The following USH2A variants were observed in gnomAD, a reference collection of about 807,000 sequenced individuals.
The protein encoded by USH2A is usherin.
USH2A carries 443 observed loss-of-function variants against 538.9 expected under a neutral mutation model. The observed-to-expected ratio is 0.82, with a 90% confidence interval of 0.76 to 0.89. The LOEUF (loss-of-function observed/expected upper bound fraction) is 0.89. USH2A is among the 40% of genes least tolerant of loss of function. The pLI is 0.00. For missense variants in USH2A, 6,633 were observed against 6,324.8 expected, an observed-to-expected ratio of 1.05 and a Z score of -1.65; for synonymous variants, 2,413 against 2,273.5, an observed-to-expected ratio of 1.06 and a Z score of -1.75.
At chr1:215,803,353 G>T (rs975806839) in intron 49 of USH2A, among the ~76,000 whole-genome samples, 1 of 152,158 alleles carries the variant, frequency 6.6e-6, no homozygotes, top group African/African-American at 2.4e-5. Context: ...GTCCCTGTTT[G>T]CAGATGACAT....
chr1:215,677,621 C>A (rs1233863208), intron 62 of USH2A, among the ~76,000 whole-genome samples: 1 of 152,144 alleles, frequency 6.6e-6, no homozygotes, highest in Non-Finnish European at 1.5e-5. Flanking sequence ...CTGCTCTCAG[C>A]AACATTTTGG....
At position 215,803,676 on chromosome 1, in the gene USH2A, A is replaced by C. The variant is rs552208616; in HGVS notation, c.9740-4551T>G. ...AGAACATTCCATGCTCATGGGTAGG[A>C]AGAATCAATATCACGAAAATGGCCA... is the stretch of plus-strand genomic sequence containing the variant. On this transcript the variant is annotated intron_variant, in intron 49 of 71. Transcript: ENST00000307340. 2.0e-5 allele frequency among the ~76,000 whole-genome samples: 3 copies of C among 152,342 alleles called. No homozygotes were observed. In the South Asian group the frequency reaches 6.2e-4, roughly 32 times the overall value.
rs541900024 is a variant in USH2A, at chr1:216,103,585, C to T, written c.4628-6372G>A. ...AAATCAAGAGAAGGAACCTGTAATA[C>T]AAGTCCCTAGTATGAATGAAAAAGC... On this transcript the variant is annotated intron_variant, in intron 21 of 71. Coordinates refer to ENST00000307340, the MANE Select transcript of USH2A (RefSeq NM_206933.4). 2.0e-5 allele frequency among the ~76,000 whole-genome samples: 3 copies of T among 152,220 alleles called. No individual in the cohort carries two copies. The South Asian group carries it at 6.2e-4, about 32-fold the overall frequency.
rs1170665124 is a variant in USH2A, at chr1:216,246,817, C to T, written c.2577G>A (p.Leu859=). ...ATTGTCCTGTTGATTTGTTACACAG[C>T]AGAGAGCCATTTATTGTCCCAGTCT... ...CDKTGTINGS[L]LCNKSTGQCP... is the part of the protein sequence containing the mutation. Residue 859 remains leucine (L), a synonymous_variant, in exon 13 of 72, where the codon CTG becomes CTA. Coordinates refer to ENST00000307340, the MANE Select transcript of USH2A (RefSeq NM_206933.4). 1 of 1,614,148 alleles carries T rather than the reference C, an allele frequency of 6.2e-7. No homozygotes were observed. Among genetic ancestry groups the T allele is most frequent in the East Asian group, 2.2e-5 (1 of 44,880 alleles).
intron 32 of USH2A, among the ~76,000 whole-genome samples, chr1:216,001,399 C>T (rs116055329): frequency 0.021 from 3,235 of 152,210 alleles, 44 homozygotes; most frequent in Non-Finnish European, 0.034. Context: ...TCTCCCTCCC[C>T]TGAACTTCCC....
At chr1:216,178,935 T>C (rs1033330722) in intron 20 of USH2A, among the ~76,000 whole-genome samples, 1 of 152,168 alleles carries the variant, frequency 6.6e-6, no homozygotes, top group African/African-American at 2.4e-5. Context: ...TCACAAATTA[T>C]ACATATTTGG....
intron 27 of USH2A, among the ~76,000 whole-genome samples, chr1:216,075,289 A>G (rs145392703): frequency 1.6e-3 from 237 of 152,280 alleles, no homozygotes; most frequent in African/African-American, 5.6e-3. Context: ...AGTGGCAACC[A>G]AAGAGTTCAG....
chr1:215,825,544 C>T (rs1663128044), intron 47 of USH2A, among the ~76,000 whole-genome samples: 1 of 152,084 alleles, frequency 6.6e-6, no homozygotes, highest in Non-Finnish European at 1.5e-5. Flanking sequence ...CCAATTTTTT[C>T]AAAACATTTT....
rs142215322 is a variant in USH2A at position 215,655,781 on chromosome 1, G to A, written c.14134-4980C>T. On this transcript the variant is annotated intron_variant, in intron 64 of 71. Coordinates refer to ENST00000307340, the MANE Select transcript of USH2A (RefSeq NM_206933.4). ...GACAGAGTCTCGCTCTTTCACCAAC[G>A]CTGGAATGGAGTGGCGCGATCTCGA... Among the ~76,000 whole-genome samples, 752 of 130,604 alleles carry A rather than the reference G, an allele frequency of 5.8e-3. 11 individuals carry two copies. Among genetic ancestry groups the A allele is most frequent in the African/African-American group, 0.021 (729 of 34,966 alleles). The allele number at this position is 130,604 out of a possible 152,430, so 85.7% of individuals were successfully genotyped here.
chr1:216,399,840 C>T (rs148501395), intron 3 of USH2A, among the ~76,000 whole-genome samples: 3,737 of 152,118 alleles, frequency 0.025, 72 homozygotes, highest in Middle Eastern at 0.051. Context: ...AGTCAGTGCT[C>T]CACTTCTGCT....
chr1:216,276,173 G>T (rs2036667148), intron 11 of USH2A, among the ~76,000 whole-genome samples: 1 of 152,162 alleles, frequency 6.6e-6, no homozygotes, highest in African/African-American at 2.4e-5. Flanking sequence ...ATTAATAACT[G>T]CTTTACCAGC....
chr1:215,850,185 C>A (rs945667672), intron 44 of USH2A, among the ~76,000 whole-genome samples: 1 of 151,796 alleles, frequency 6.6e-6, no homozygotes, highest in African/African-American at 2.4e-5. Flanking sequence ...TTGAAAACAG[C>A]AGATGAGAAA....
chr1:215,923,570 G>A (rs1252724768), intron 38 of USH2A, among the ~76,000 whole-genome samples: 1 of 152,102 alleles, frequency 6.6e-6, no homozygotes, highest in African/African-American at 2.4e-5. Flanking sequence ...GGAGAATACA[G>A]TGTCCTCATT....
chr1:216,338,579 T>A (rs987923156), intron 4 of USH2A, among the ~76,000 whole-genome samples: 1 of 151,436 alleles, frequency 6.6e-6, no homozygotes, highest in Non-Finnish European at 1.5e-5. Flanking sequence ...AATTTAAAAC[T>A]CTTGTGTGAC....
At chr1:215,967,102 T>A (rs1307827792) in intron 36 of USH2A, among the ~76,000 whole-genome samples, 1 of 152,206 alleles carries the variant, frequency 6.6e-6, no homozygotes, top group Non-Finnish European at 1.5e-5. Context: ...TGGGAACCTC[T>A]CTTGACACAG....
intron 21 of USH2A, among the ~76,000 whole-genome samples, chr1:216,152,885 C>T (rs746472728): frequency 6.6e-6 from 1 of 152,174 alleles, no homozygotes; most frequent in Non-Finnish European, 1.5e-5. Context: ...ATCCTATACC[C>T]ATATAAACCC....
chr1:216,023,459 C>CAA, intron 32 of USH2A, among the ~76,000 whole-genome samples: 506 of 46,894 alleles, frequency 0.011, 26 homozygotes, highest in African/African-American at 0.039. Context: ...TCAAAGCAGA[C>CAA]AAAAAAAAAA....
At chr1:215,736,408 C>A (rs1660156310) in intron 60 of USH2A, among the ~76,000 whole-genome samples, 1 of 152,060 alleles carries the variant, frequency 6.6e-6, no homozygotes, top group Admixed American at 6.6e-5. Context: ...CTAAAATGAA[C>A]CCGATGCACA....
intron 3 of USH2A, among the ~76,000 whole-genome samples, chr1:216,371,801 T>C (rs1391109743): frequency 2.0e-5 from 3 of 152,154 alleles, no homozygotes; most frequent in Admixed American, 2.0e-4. Context: ...AACTAATTGA[T>C]ACCCCGAAAA....
Sources: gnomAD v4.1 joint callset for allele counts (sites outside exome capture counted in the v4.1 genomes callset) on GRCh38, gnomAD v4.1.1 for gene constraint, MANE v1.5 for transcripts, NCBI Gene and HGNC (gene_info 2026-07-23, HGNC 2026-07-21) for gene names.